TRMU: variants seen among roughly 807,000 people sequenced by gnomAD.
TRMU encodes the protein tRNA mitochondrial 2-thiouridylase.
A neutral mutation model predicts 46.9 loss-of-function variants in TRMU; 49 were observed. The ratio of observed to expected loss-of-function variants is 1.05; its 90% CI spans 0.83 to 1.33. The LOEUF is 1.33. Among genes scored for constraint, TRMU ranks in the 40% most tolerant of loss-of-function variants. The pLI is 0.00. For synonymous variants in TRMU, 241 were observed against 200.9 expected, an observed-to-expected ratio of 1.20 and a Z score of -1.69; for missense variants, 572 against 532.4, an observed-to-expected ratio of 1.07 and a Z score of -0.73.
chr22:46,345,008 G>C (rs1380002012), intron 3 of TRMU, among the ~76,000 whole-genome samples: 1 of 152,168 alleles, frequency 6.6e-6, no homozygotes, highest in Non-Finnish European at 1.5e-5. Flanking sequence ...TAGTGTGGTT[G>C]GTCCAGGATG....
intron 3 of TRMU, among the ~76,000 whole-genome samples, chr22:46,345,074 A>G (rs1241398421): frequency 6.6e-6 from 1 of 151,584 alleles, no homozygotes; most frequent in Non-Finnish European, 1.5e-5. Flanking sequence ...AATATCTGTA[A>G]TTTTTTCTTT....
intron 2 of TRMU, among the ~76,000 whole-genome samples, chr22:46,341,081 C>G (rs1470690251): frequency 6.6e-6 from 1 of 152,226 alleles, no homozygotes; most frequent in Non-Finnish European, 1.5e-5. Flanking sequence ...GCTGCTGAGT[C>G]TTTTAAATCT....
In TRMU at chr22:46,343,369, G is replaced by T; in HGVS notation, c.355+1G>T. The T allele has an allele frequency of 6.2e-7, 1 of 1,610,400 alleles. No individual in the cohort carries two copies. The highest frequency in any genetic ancestry group is 8.5e-7 in the Non-Finnish European group (1 of 1,176,856). On this transcript the variant is annotated splice_donor_variant, in intron 3 of 10. Coordinates refer to ENST00000645190, the MANE Select transcript of TRMU (RefSeq NM_018006.5). LOFTEE classifies it high-confidence loss of function. The stretch of plus-strand genomic sequence containing the variant: ...TTTCATTATGCTGTGGATAATCTTG[G>T]TAAGTAATTTGGGTTTAAAACATTT...
In TRMU at chr22:46,337,846, C is replaced by A; in HGVS notation, c.150C>A (p.Ala50=). 6.2e-7 allele frequency: 1 copy of A among 1,614,184 alleles called. No individual in the cohort carries two copies. Among genetic ancestry groups the A allele is most frequent in the South Asian group, 1.1e-5 (1 of 91,076 alleles). ...TGGATGAACATGGGGTCTGTACTGC[C>A]GACAAAGACTGTGAAGATGCTTACA... ...DSLDEHGVCT[A]DKDCEDAYRV... Residue 50 remains alanine, a synonymous_variant, in exon 2 of 11, where the codon GCC becomes GCA. Coordinates refer to ENST00000645190, the MANE Select transcript of TRMU (RefSeq NM_018006.5).
Position 46,355,601 on chromosome 22 carries a change from A to G in TRMU, c.1018+13A>G. 1 of 1,613,216 alleles carries G rather than the reference A, an allele frequency of 6.2e-7. No homozygotes were observed. Among genetic ancestry groups the G allele is most frequent in the Non-Finnish European group, 8.5e-7 (1 of 1,180,014 alleles). ...CAGATGGCACTAGGTGACTGACGGG[A>G]GGGCTCCTGAGGACGGGCCCCTTGA... On this transcript the variant is annotated intron_variant, in intron 9 of 10. Transcript: ENST00000645190.
chr22:46,353,961 G>A (rs532289987), intron 8 of TRMU, 94 bp downstream of exon 8: 31 of 1,180,694 alleles, frequency 2.6e-5, no homozygotes, highest in East Asian at 1.5e-4. Context: ...TCCAGCAGCC[G>A]TGGCTTCCTG....
chr22:46,356,791 C>T lies in TRMU; in HGVS notation c.1102-51C>T, dbSNP rs778306445. The T allele has an allele frequency of 3.7e-6, 6 of 1,607,536 alleles. No individual in the cohort carries two copies. In the South Asian group the frequency reaches 5.5e-5, roughly 15 times the overall value. On this transcript the variant is annotated intron_variant, in intron 10 of 10. Transcript: ENST00000645190. Reference sequence around the variant, plus strand: ...AGGGGAGCACTCTGCCCCTGCCTGCCCTCGGCTGGCTCCCTGTGGCACCCC... The same window carrying T: ...AGGGGAGCACTCTGCCCCTGCCTGCTCTCGGCTGGCTCCCTGTGGCACCCC...
chr22:46,353,881 C>A lies in TRMU; in HGVS notation c.873+14C>A. 6.2e-7 allele frequency: 1 copy of A among 1,611,982 alleles called. No individual in the cohort carries two copies. The highest frequency in any genetic ancestry group is 8.5e-7 in the Non-Finnish European group (1 of 1,178,458). On this transcript the variant is annotated intron_variant, in intron 8 of 10. Transcript: ENST00000645190. ...GACGTGTTTGTGGTGAGTGGGCCGG[C>A]CTCTGAGACAGCACTGGGGCTGGTT...
In TRMU at chr22:46,350,943, T is replaced by C. The variant is rs1296111325; in HGVS notation, c.651+480T>C. On this transcript the variant is annotated intron_variant, in intron 5 of 10. Coordinates refer to ENST00000645190, the MANE Select transcript of TRMU (RefSeq NM_018006.5). This position sits in a 1 kb window ranked among gnomAD's most constrained non-coding sequence, Gnocchi z 4.6. Reference sequence around the variant, plus strand: ...AATTGGTGACGCGCACACAGTTCCATCTTCGCCTCCATGGAGCCCGCCCGC... The same window carrying C: ...AATTGGTGACGCGCACACAGTTCCACCTTCGCCTCCATGGAGCCCGCCCGC... Among the ~76,000 whole-genome samples the C allele has an allele frequency of 6.6e-6, 1 of 152,220 alleles. No homozygotes were observed. The highest frequency in any genetic ancestry group is 1.5e-5 in the Non-Finnish European group (1 of 68,042).
In TRMU at chr22:46,350,587, G is replaced by T; in HGVS notation, c.651+124G>T. 2 of 1,238,510 alleles carry T rather than the reference G, an allele frequency of 1.6e-6. No homozygotes were observed. The highest frequency in any genetic ancestry group is 1.2e-6 in the Non-Finnish European group (1 of 859,568). 76.7% of individuals were successfully genotyped at this position (1,238,510 alleles called of 1,614,324 possible). A position where few individuals can be genotyped will look rare whatever the true frequency, so the allele number is the denominator to read the frequency against. On this transcript the variant is annotated intron_variant, in intron 5 of 10. Coordinates refer to ENST00000645190, the MANE Select transcript of TRMU (RefSeq NM_018006.5). This position sits in a 1 kb window ranked among gnomAD's most constrained non-coding sequence, Gnocchi z 4.6. ...CTCCAGGACCTAACATCAAAGGCGG[G>T]CCTTGGAGCAATAGATGGAGGAGTT... is the stretch of plus-strand genomic sequence containing the variant.
Position 46,337,950 on chromosome 22 carries a change from TGCGGGTCACA to T in TRMU, c.248+9_248+18del, listed in dbSNP as rs763718617. ...TATTGGAATGATGTGTTCAGGTGAG[TGCGGGTCACA>T]GCACAAAGGAAGCTTCCTCACACTG... On this transcript the variant is annotated splice_region_variant and intron_variant, in intron 2 of 10. Transcript: ENST00000645190. 6.2e-5 allele frequency: 100 copies of T among 1,614,034 alleles called. No individual in the cohort carries two copies. In the African/African-American group the frequency reaches 1.2e-3, roughly 19 times the overall value.
chr22:46,344,412 G>C (rs2078199072), intron 3 of TRMU, among the ~76,000 whole-genome samples: 1 of 152,202 alleles, frequency 6.6e-6, no homozygotes, highest in African/African-American at 2.4e-5. Context: ...TTTATTTTCA[G>C]GGTATCTGGA....
In TRMU at chr22:46,342,554, C is replaced by T. The variant is rs1460865287; in HGVS notation, c.249-708C>T. ...TAAGACCCACAGTCAGAAAGGTAGA[C>T]GCTTGTAATCCTAGCACTTTAGGAG... On this transcript the variant is annotated intron_variant, in intron 2 of 10. Coordinates refer to ENST00000645190, the MANE Select transcript of TRMU (RefSeq NM_018006.5). This position sits in a 1 kb window ranked among gnomAD's most constrained non-coding sequence, Gnocchi z 4.7. 2.6e-5 allele frequency among the ~76,000 whole-genome samples: 4 copies of T among 152,178 alleles called. No individual in the cohort carries two copies. The highest frequency in any genetic ancestry group is 2.1e-4 in the South Asian group (1 of 4,832).
intron 3 of TRMU, among the ~76,000 whole-genome samples, chr22:46,344,942 T>C (rs2078213315): frequency 6.6e-6 from 1 of 152,238 alleles, no homozygotes; most frequent in Non-Finnish European, 1.5e-5. Context: ...GTCTTCTGTT[T>C]ACATGGAGCT....
intron 10 of TRMU, 56 bp from the exon 11 acceptor site, chr22:46,356,786 C>A (rs1271099341): frequency 6.2e-7 from 1 of 1,604,074 alleles, no homozygotes; most frequent in East Asian, 2.2e-5. Context: ...TCTGCCCCTG[C>A]CTGCCCTCGG....
Position 46,348,063 on chromosome 22 carries a change from G to C in TRMU, c.478+1519G>C, listed in dbSNP as rs2078305432. Among the ~76,000 whole-genome samples, 1 of 151,646 alleles carries C rather than the reference G, an allele frequency of 6.6e-6. No individual in the cohort carries two copies. The highest frequency in any genetic ancestry group is 2.4e-5 in the African/African-American group (1 of 41,302). On this transcript the variant is annotated intron_variant, in intron 4 of 10. Transcript: ENST00000645190. This position sits in a 1 kb window ranked among gnomAD's most constrained non-coding sequence, Gnocchi z 4.8. ...CAGCCCCCCATTTCAGGAAGACATGGGTTTGAATGCAGATAAGACAGCCCC... is the reference window on the plus strand; with the variant it reads ...CAGCCCCCCATTTCAGGAAGACATGCGTTTGAATGCAGATAAGACAGCCCC...
chr22:46,356,733 TGCCTGGTGCTCCGA>T, intron 10 of TRMU, 95 bp from the exon 11 acceptor site: 1 of 1,335,542 alleles, frequency 7.5e-7, no homozygotes, highest in Non-Finnish European at 1.0e-6. Context: ...GGGAGCTCAG[TGCCTGGTGCTCCGA>T]GCACAGGCCA....
chr22:46,354,139 G>A (rs1340176610), intron 8 of TRMU: 6 of 395,490 alleles, frequency 1.5e-5, no homozygotes, highest in Non-Finnish European at 2.4e-5. Flanking sequence ...TATGAAAGAG[G>A]ACAGCGACGC....
At position 46,346,551 on chromosome 22, in the gene TRMU, T is replaced by A; in HGVS notation, c.478+7T>A. 1.9e-6 allele frequency: 3 copies of A among 1,609,176 alleles called. No homozygotes were observed. The highest frequency in any genetic ancestry group is 1.7e-6 in the Non-Finnish European group (2 of 1,176,900). ...CGGTTTGAAGTTAGAAATGGTAAGT[T>A]CATGTGCCCAGGTCAGAGCCAAATT... On this transcript the variant is annotated splice_region_variant and intron_variant, in intron 4 of 10. Coordinates refer to ENST00000645190, the MANE Select transcript of TRMU (RefSeq NM_018006.5).
Sources: allele counts gnomAD v4.1 joint callset (sites outside exome capture counted in the v4.1 genomes callset), GRCh38; gene constraint gnomAD v4.1.1; non-coding constraint Gnocchi (gnomAD v3.1); transcripts MANE v1.5; gene names NCBI Gene and HGNC (gene_info 2026-07-23, HGNC 2026-07-21).